SYT1: variants seen among roughly 807,000 people sequenced by gnomAD.
The protein encoded by SYT1 is synaptotagmin 1.
SYT1 carries 8 observed loss-of-function variants against 44.8 expected under a neutral mutation model. That is an observed-to-expected ratio of 0.18 (90% CI 0.10 to 0.32). SYT1 has a LOEUF of 0.32. SYT1 is among the 10% of genes least tolerant of loss of function. SYT1 has a pLI of 1.00. For synonymous variants in SYT1, 154 were observed against 188.8 expected (o/e 0.82, Z 1.51); for missense variants, 286 against 509.3 (o/e 0.56, Z 4.22).
chr12:78,941,434 C>CACACAT (rs1491424889), intron 1 of SYT1, among the ~76,000 whole-genome samples: 12 of 141,734 alleles, frequency 8.5e-5, no homozygotes, highest in African/African-American at 2.8e-4. Flanking sequence ...CACACACACA[C>CACACAT]ATTATGTAAT....
chr12:79,290,237 C>G (rs1879512818), intron 5 of SYT1, among the ~76,000 whole-genome samples: 1 of 152,104 alleles, frequency 6.6e-6, no homozygotes, highest in South Asian at 2.1e-4. Flanking sequence ...TATGACCTTC[C>G]CACCTGAATG....
At chr12:78,976,396 G>T (rs1339414301) in intron 1 of SYT1, among the ~76,000 whole-genome samples, 5 of 152,176 alleles carry the variant, frequency 3.3e-5, no homozygotes, top group Admixed American at 2.0e-4. Flanking sequence ...AAACTCTCTT[G>T]TGAAGAATCT....
At chr12:78,904,582 T>A (rs1406715313) in intron 1 of SYT1, among the ~76,000 whole-genome samples, 4 of 152,120 alleles carry the variant, frequency 2.6e-5, no homozygotes, top group African/African-American at 9.7e-5. Flanking sequence ...AGAAAAACTA[T>A]CTTTATATGG....
intron 3 of SYT1, among the ~76,000 whole-genome samples, chr12:79,162,812 G>C (rs1303992438): frequency 6.6e-6 from 1 of 151,968 alleles, no homozygotes; most frequent in African/African-American, 2.4e-5. Context: ...ATTTTTTATG[G>C]TGTAGATAGA....
chr12:79,015,304 A>T (rs1871733305), intron 2 of SYT1, among the ~76,000 whole-genome samples: 1 of 152,182 alleles, frequency 6.6e-6, no homozygotes, highest in Non-Finnish European at 1.5e-5. Context: ...TTGCACTCTA[A>T]TATAAGCTTA....
At chr12:79,424,433 T>A (rs923197485) in intron 9 of SYT1, among the ~76,000 whole-genome samples, 1 of 152,166 alleles carries the variant, frequency 6.6e-6, no homozygotes, top group African/African-American at 2.4e-5. Context: ...TTAGTGAAAT[T>A]CCAGTTGTCT....
chr12:79,206,774 G>T, intron 3 of SYT1, among the ~76,000 whole-genome samples: 1 of 152,224 alleles, frequency 6.6e-6, no homozygotes, highest in East Asian at 1.9e-4. Context: ...CACACAGTAG[G>T]TTTTGTTTCT....
chr12:79,326,841 G>A (rs1436724314), intron 8 of SYT1, among the ~76,000 whole-genome samples: 1 of 152,150 alleles, frequency 6.6e-6, no homozygotes, highest in Non-Finnish European at 1.5e-5. Flanking sequence ...TAAATATGCT[G>A]TCTGTAAACA....
chr12:79,299,916 TTG>T (rs1657349742), intron 8 of SYT1, among the ~76,000 whole-genome samples: 2 of 152,198 alleles, frequency 1.3e-5, no homozygotes, highest in African/African-American at 4.8e-5. Context: ...CACAATCATT[TTG>T]TGTTTTCTGC....
intron 5 of SYT1, among the ~76,000 whole-genome samples, chr12:79,286,655 C>T (rs956229792): frequency 1.6e-4 from 25 of 151,900 alleles, no homozygotes; most frequent in African/African-American, 5.6e-4. Context: ...CTTTCCAAGC[C>T]CAAAAAAGCT....
intron 9 of SYT1, among the ~76,000 whole-genome samples, chr12:79,407,770 C>G (rs1885293772): frequency 6.6e-6 from 1 of 152,084 alleles, no homozygotes; most frequent in South Asian, 2.1e-4. Context: ...CTCTTACGCA[C>G]AGTCCAAGCA....
chr12:79,213,081 A>G (rs896873564), intron 3 of SYT1, among the ~76,000 whole-genome samples: 3 of 152,200 alleles, frequency 2.0e-5, no homozygotes, highest in Admixed American at 6.5e-5. Context: ...GCAGGTATCA[A>G]ATCATGAGTG....
At chr12:79,028,852 C>A (rs1024463680) in intron 2 of SYT1, among the ~76,000 whole-genome samples, 4 of 151,232 alleles carry the variant, frequency 2.6e-5, no homozygotes, top group African/African-American at 7.3e-5. Context: ...ATGACCTTGT[C>A]TCAAGAGCAA....
intron 2 of SYT1, among the ~76,000 whole-genome samples, chr12:79,032,841 G>A (rs1267118206): frequency 6.6e-6 from 1 of 150,924 alleles, no homozygotes; most frequent in Non-Finnish European, 1.5e-5. Flanking sequence ...CAACGCTAAG[G>A]GATTCTATGG....
At chr12:79,401,597 A>C (rs555957181) in intron 9 of SYT1, among the ~76,000 whole-genome samples, 1 of 152,042 alleles carries the variant, frequency 6.6e-6, no homozygotes, top group East Asian at 1.9e-4. Flanking sequence ...AGTTTTCTTC[A>C]TTTTGATAAA....
chr12:79,053,006 G>T (rs2137801101), intron 3 of SYT1, among the ~76,000 whole-genome samples: 1 of 152,116 alleles, frequency 6.6e-6, no homozygotes, highest in Non-Finnish European at 1.5e-5. Context: ...ACCATTACTG[G>T]GTATACACCC....
intron 1 of SYT1, among the ~76,000 whole-genome samples, chr12:78,966,589 T>G (rs17046134): frequency 0.072 from 10,988 of 152,222 alleles, 442 homozygotes; most frequent in African/African-American, 0.1. Context: ...AAACATTTCT[T>G]CCATATTACT....
At chr12:79,286,431 T>A (rs1303159432) in intron 5 of SYT1, among the ~76,000 whole-genome samples, 1 of 152,184 alleles carries the variant, frequency 6.6e-6, no homozygotes, top group Non-Finnish European at 1.5e-5. Flanking sequence ...TTCCTACATG[T>A]CCATCCAGCT....
intron 2 of SYT1, among the ~76,000 whole-genome samples, chr12:79,023,779 ATC>A (rs745664885): frequency 8.0e-5 from 12 of 150,438 alleles, no homozygotes; most frequent in East Asian, 2.0e-4. Flanking sequence ...TTATTATTCC[ATC>A]TCTCTCTCTC....
Sources: allele counts gnomAD v4.1 joint callset (sites outside exome capture counted in the v4.1 genomes callset), GRCh38; gene constraint gnomAD v4.1.1; transcripts MANE v1.5; gene names NCBI Gene and HGNC (gene_info 2026-07-23, HGNC 2026-07-21).